CCSER2: variants seen among roughly 807,000 people sequenced by gnomAD.
CCSER2 encodes the protein coiled-coil serine rich protein 2.
In CCSER2, 46 loss-of-function variants were observed where a neutral mutation model predicts 92.3. The observed-to-expected ratio is 0.50, with a 90% CI of 0.39 to 0.64. The LOEUF (loss-of-function observed/expected upper bound fraction) is 0.64, where lower values mean the gene tolerates loss of function less well. CCSER2 is among the 30% of genes least tolerant of loss of function. CCSER2 has a pLI of 0.00. For missense variants in CCSER2, 1,244 were observed against 1,238.9 expected, an observed-to-expected ratio of 1.00 and a Z score of -0.06; for synonymous variants, 433 against 431.4, an observed-to-expected ratio of 1.00 and a Z score of -0.04.
chr10:84,483,967 A>ATC (rs1316463247), intron 9 of CCSER2, among the ~76,000 whole-genome samples: 1 of 32,240 alleles, frequency 3.1e-5, no homozygotes, highest in Non-Finnish European at 7.3e-5. Flanking sequence ...ATATATATAT[A>ATC]TATATATATA....
intron 4 of CCSER2, among the ~76,000 whole-genome samples, chr10:84,421,913 T>C (rs1040169738): frequency 1.2e-4 from 19 of 152,130 alleles, no homozygotes; most frequent in Non-Finnish European, 2.5e-4. Context: ...TGGTGATAGA[T>C]GGAGGGCGGG....
At position 84,438,407 on chromosome 10, in the gene CCSER2, T is replaced by A. The variant is rs540284441; in HGVS notation, c.1869-105T>A. 52 of 678,050 alleles carry A rather than the reference T, an allele frequency of 7.7e-5. No homozygotes were observed. In the Admixed American group the frequency reaches 1.4e-3, roughly 18 times the overall value. 42.0% of individuals were successfully genotyped at this position (678,050 alleles called of 1,614,324 possible). The stretch of plus-strand genomic sequence containing the variant: ...GTGGAAGTCAGAGCCATGGTGATAA[T>A]GATAAGTGATTTGTAATAATCACTG... On this transcript the variant is annotated intron_variant, in intron 5 of 9. Coordinates refer to ENST00000372088, the MANE Select transcript of CCSER2 (RefSeq NM_001284240.2).
intron 1 of CCSER2, among the ~76,000 whole-genome samples, chr10:84,360,354 T>C (rs990751886): frequency 1.3e-5 from 2 of 152,196 alleles, no homozygotes; most frequent in African/African-American, 4.8e-5. Flanking sequence ...ATAAAGAAGA[T>C]TTTCCATCAA....
At chr10:84,498,651 A>G (rs1050455325) in intron 9 of CCSER2, among the ~76,000 whole-genome samples, 6 of 152,216 alleles carry the variant, frequency 3.9e-5, no homozygotes, top group African/African-American at 1.2e-4. Flanking sequence ...AATTTTTAAT[A>G]CAATATTATT....
At chr10:84,427,659 C>G (rs1282454844) in intron 5 of CCSER2, among the ~76,000 whole-genome samples, 1 of 152,186 alleles carries the variant, frequency 6.6e-6, no homozygotes, top group Non-Finnish European at 1.5e-5. Context: ...CATCGTAATA[C>G]TGCTCTGTCT....
intron 9 of CCSER2, among the ~76,000 whole-genome samples, chr10:84,482,936 T>G (rs1383933428): frequency 6.6e-6 from 1 of 152,150 alleles, no homozygotes; most frequent in Non-Finnish European, 1.5e-5. Flanking sequence ...AAGAACTAAC[T>G]CTGTTATATA....
At chr10:84,413,264 T>C (rs964482556) in intron 3 of CCSER2, among the ~76,000 whole-genome samples, 1 of 152,160 alleles carries the variant, frequency 6.6e-6, no homozygotes, top group Admixed American at 6.5e-5. Context: ...GAGATCTTTC[T>C]AGCTCTTTGA....
intron 4 of CCSER2, 31 bp downstream of exon 4, chr10:84,417,892 G>T (rs985426219): frequency 3.6e-6 from 4 of 1,097,850 alleles, no homozygotes; most frequent in Non-Finnish European, 2.8e-6. Flanking sequence ...ACCTTCAGAG[G>T]TATATACTTG....
intron 9 of CCSER2, among the ~76,000 whole-genome samples, chr10:84,496,907 A>G (rs1201423009): frequency 6.6e-6 from 1 of 152,118 alleles, no homozygotes; most frequent in Admixed American, 6.5e-5. Context: ...CAGGGTTTTT[A>G]GCTGTATTTG....
chr10:84,451,458 AGT>A (rs1404325165), intron 6 of CCSER2, among the ~76,000 whole-genome samples: 1 of 152,044 alleles, frequency 6.6e-6, no homozygotes, highest in Non-Finnish European at 1.5e-5. Flanking sequence ...ATATAGAAAG[AGT>A]TTATGCAAAA....
intron 1 of CCSER2, among the ~76,000 whole-genome samples, chr10:84,364,567 T>C (rs1055653347): frequency 1.3e-5 from 2 of 152,170 alleles, no homozygotes; most frequent in South Asian, 2.1e-4. Flanking sequence ...TACTACCTTA[T>C]AATGTTATGA....
At chr10:84,375,978 A>G (rs1846314898) in intron 3 of CCSER2, among the ~76,000 whole-genome samples, 1 of 151,948 alleles carries the variant, frequency 6.6e-6, no homozygotes, top group Non-Finnish European at 1.5e-5. Flanking sequence ...AGTCCAGGTA[A>G]AGATAAGGAG....
At chr10:84,477,923 C>T (rs1030682284) in intron 9 of CCSER2, among the ~76,000 whole-genome samples, 2 of 152,268 alleles carry the variant, frequency 1.3e-5, no homozygotes, top group African/African-American at 4.8e-5. Context: ...CGTGTCTACT[C>T]TCCTCTTATT....
intron 1 of CCSER2, among the ~76,000 whole-genome samples, chr10:84,366,940 G>A (rs893759894): frequency 6.6e-6 from 1 of 152,094 alleles, no homozygotes; most frequent in Non-Finnish European, 1.5e-5. Flanking sequence ...CTAGAATTGT[G>A]GAATGGAAGT....
intron 5 of CCSER2, among the ~76,000 whole-genome samples, chr10:84,426,865 C>G (rs188212529): frequency 6.6e-6 from 1 of 152,152 alleles, no homozygotes; most frequent in Admixed American, 6.5e-5. Context: ...ATTAATTTGT[C>G]AGAAAAGTTA....
At position 84,516,019 on chromosome 10, in the gene CCSER2, G is replaced by T. The variant is rs553188939; in HGVS notation, c.*1752G>T. The T allele has an allele frequency of 5.3e-5, 8 of 152,288 alleles. No homozygotes were observed. The highest frequency in any genetic ancestry group is 1.9e-4 in the African/African-American group (8 of 41,576). 9.4% of individuals were successfully genotyped at this position (152,288 alleles called of 1,614,324 possible). On this transcript the variant is annotated 3_prime_UTR_variant, in exon 10 of 10. Transcript: ENST00000372088. ...AGATAACCTTACAAGGAGAATGTTTGTTTTGAGCAGCTGACCAAAAATATA... is the reference window on the plus strand; with the variant it reads ...AGATAACCTTACAAGGAGAATGTTTTTTTTGAGCAGCTGACCAAAAATATA...
chr10:84,517,689 G>A lies in CCSER2; in HGVS notation c.*3422G>A, dbSNP rs1037670020. 1.3e-5 allele frequency: 2 copies of A among 152,568 alleles called. No individual in the cohort carries two copies. Among genetic ancestry groups the A allele is most frequent in the African/African-American group, 4.8e-5 (2 of 41,422 alleles). The allele number at this position is 152,568 out of a possible 1,614,324, so 9.5% of individuals were successfully genotyped here. A position where few individuals can be genotyped will look rare whatever the true frequency, so the allele number is the denominator to read the frequency against. Reference sequence around the variant, plus strand: ...CCCAGCATGTCACTTTTCCATTAAAGCACTAAGTTTTCTTTGAATGTTCCA... The same window carrying A: ...CCCAGCATGTCACTTTTCCATTAAAACACTAAGTTTTCTTTGAATGTTCCA... On this transcript the variant is annotated 3_prime_UTR_variant, in exon 10 of 10. Coordinates refer to ENST00000372088, the MANE Select transcript of CCSER2 (RefSeq NM_001284240.2).
At chr10:84,449,657 C>A (rs1211071407) in intron 6 of CCSER2, among the ~76,000 whole-genome samples, 1 of 152,114 alleles carries the variant, frequency 6.6e-6, no homozygotes, top group Admixed American at 6.5e-5. Flanking sequence ...GAGTTCGAGA[C>A]CAGCCTGATC....
chr10:84,365,701 C>T (rs887843150), intron 1 of CCSER2, among the ~76,000 whole-genome samples: 1 of 152,104 alleles, frequency 6.6e-6, no homozygotes, highest in Non-Finnish European at 1.5e-5. Flanking sequence ...TGAAGATGCT[C>T]TTGGGAGATA....
Sources: gnomAD v4.1 joint callset for allele counts (sites outside exome capture counted in the v4.1 genomes callset) on GRCh38, gnomAD v4.1.1 for gene constraint, MANE v1.5 for transcripts, NCBI Gene and HGNC (gene_info 2026-07-23, HGNC 2026-07-21) for gene names.